Variants in ABLIM3 observed in about 807,000 individuals in gnomAD.
ABLIM3 encodes actin binding LIM protein family member 3.
In ABLIM3, 61 loss-of-function variants were observed where a neutral mutation model predicts 109.5. The ratio of observed to expected loss-of-function variants is 0.56; its 90% CI spans 0.45 to 0.69. ABLIM3 has a LOEUF of 0.69. Ranked by LOEUF, ABLIM3 falls within the 30% of genes least tolerant of loss-of-function variation. The pLI is 0.00. For missense variants in ABLIM3, 796 were observed against 889.5 expected (o/e 0.89, Z 1.34); for synonymous variants, 300 against 324.8 (o/e 0.92, Z 0.82).
intron 5 of ABLIM3, among the ~76,000 whole-genome samples, chr5:149,205,008 T>C (rs1758833861): frequency 6.6e-6 from 1 of 152,248 alleles, no homozygotes; most frequent in Admixed American, 6.5e-5. Context: ...AGAATTGTGT[T>C]GTTTGCCAAT....
chr5:149,194,096 G>A (rs976935899), intron 3 of ABLIM3, among the ~76,000 whole-genome samples: 10 of 152,034 alleles, frequency 6.6e-5, no homozygotes, highest in African/African-American at 2.4e-4. Context: ...CGTAAAAACT[G>A]AGAACTTTGG....
At chr5:149,257,817 TTGAC>T (rs1345100699) in intron 23 of ABLIM3, among the ~76,000 whole-genome samples, 4 of 152,202 alleles carry the variant, frequency 2.6e-5, no homozygotes, top group African/African-American at 9.7e-5. Context: ...ATTTTTTTCA[TTGAC>T]TGGCCTGATG....
chr5:149,154,555 T>A (rs1352417077), intron 2 of ABLIM3, among the ~76,000 whole-genome samples: 1 of 152,226 alleles, frequency 6.6e-6, no homozygotes, highest in African/African-American at 2.4e-5. Context: ...TGAGTGCAAA[T>A]GTTTTACATC....
intron 8 of ABLIM3, among the ~76,000 whole-genome samples, chr5:149,225,040 C>T (rs1761031585): frequency 6.6e-6 from 1 of 152,204 alleles, no homozygotes; most frequent in Admixed American, 6.5e-5. Flanking sequence ...GTGTTCACTC[C>T]TCTCTCTGGC....
chr5:149,183,609 C>T lies in ABLIM3; in HGVS notation c.151+20C>T, dbSNP rs113310955. ...GTCAAGGTAGGAGGCTCAGCTCCCCCACTCTCTTCTTAGATTCCTGACCAT... is the reference window on the plus strand; with the variant it reads ...GTCAAGGTAGGAGGCTCAGCTCCCCTACTCTCTTCTTAGATTCCTGACCAT... On this transcript the variant is annotated intron_variant, in intron 3 of 23. Transcript: ENST00000309868. The T allele has an allele frequency of 2.3e-5, 34 of 1,508,240 alleles. No homozygotes were observed. The African/African-American group carries it at 4.5e-4, about 20-fold the overall frequency. The allele number at this position is 1,508,240 out of a possible 1,614,324, so 93.4% of individuals were successfully genotyped here. A position where few individuals can be genotyped will look rare whatever the true frequency, so the allele number is the denominator to read the frequency against.
chr5:149,169,249 C>T (rs1038093466), intron 2 of ABLIM3, among the ~76,000 whole-genome samples: 4 of 152,108 alleles, frequency 2.6e-5, no homozygotes, highest in South Asian at 4.2e-4. Context: ...ATTTATTTGA[C>T]GTAACAGGAA....
chr5:149,152,669 A>G (rs1237332982), intron 2 of ABLIM3, among the ~76,000 whole-genome samples: 5 of 152,150 alleles, frequency 3.3e-5, no homozygotes, highest in Non-Finnish European at 7.4e-5. Context: ...AGCCCAAAAG[A>G]GGGCGTCTGA....
At chr5:149,204,394 C>T (rs1758770570) in intron 5 of ABLIM3, among the ~76,000 whole-genome samples, 3 of 152,014 alleles carry the variant, frequency 2.0e-5, no homozygotes, top group African/African-American at 7.3e-5. Flanking sequence ...GCCTGAGGCT[C>T]CACTGGTGGT....
At chr5:149,251,804 C>T (rs1341051621) in intron 21 of ABLIM3, among the ~76,000 whole-genome samples, 1 of 152,208 alleles carries the variant, frequency 6.6e-6, no homozygotes, top group Non-Finnish European at 1.5e-5. Context: ...GCCAGTGATG[C>T]TTTCACACCA....
At chr5:149,210,850 G>A (rs1332824691) in intron 7 of ABLIM3, 31 bp downstream of exon 7, 1 of 1,600,570 alleles carries the variant, frequency 6.2e-7, no homozygotes, top group Non-Finnish European at 8.6e-7. Context: ...GTGAAGATGT[G>A]GCAGGGTGAT....
intron 5 of ABLIM3, 165 bp downstream of exon 5, chr5:149,200,593 C>A: frequency 3.1e-6 from 2 of 646,436 alleles, no homozygotes; most frequent in South Asian, 1.9e-5. Context: ...CCCAGACTCA[C>A]AAGCTTCACA....
intron 3 of ABLIM3, among the ~76,000 whole-genome samples, chr5:149,189,496 T>C (rs1757280586): frequency 6.6e-6 from 1 of 152,214 alleles, no homozygotes; most frequent in African/African-American, 2.4e-5. Flanking sequence ...AAAGAATTCT[T>C]ACAATTGCAT....
rs78667654 is a variant in ABLIM3 at position 149,209,002 on chromosome 5, C to A, written c.576-1724C>A. Among the ~76,000 whole-genome samples the A allele has an allele frequency of 0.011, 1,608 of 152,234 alleles. 64 individuals are homozygous for A. In the East Asian group the frequency reaches 0.12, roughly 12 times the overall value. Reference sequence around the variant, plus strand: ...AGGGCAGTAGGGGAGTGTTGGACATCTCCATCCTGTATAGGAGCTCAAACA... The same window carrying A: ...AGGGCAGTAGGGGAGTGTTGGACATATCCATCCTGTATAGGAGCTCAAACA... On this transcript the variant is annotated intron_variant, in intron 6 of 23. Coordinates refer to ENST00000309868, the MANE Select transcript of ABLIM3 (RefSeq NM_014945.5).
intron 14 of ABLIM3, among the ~76,000 whole-genome samples, chr5:149,242,264 C>T (rs1752929046): frequency 2.0e-5 from 3 of 152,168 alleles, no homozygotes. Context: ...CCACTTGGAT[C>T]CATCCATTCC....
chr5:149,241,090 G>C (rs1447429502), intron 14 of ABLIM3, among the ~76,000 whole-genome samples: 2 of 152,230 alleles, frequency 1.3e-5, no homozygotes, highest in African/African-American at 4.8e-5. Flanking sequence ...AGCGGTGAAG[G>C]CTACACACTT....
intron 2 of ABLIM3, among the ~76,000 whole-genome samples, chr5:149,176,577 C>CT (rs1755949023): frequency 6.6e-6 from 1 of 152,114 alleles, no homozygotes; most frequent in Non-Finnish European, 1.5e-5. Context: ...TCTCAGGTCT[C>CT]TGAGTTTCAT....
chr5:149,251,182 G>A (rs1005196377), intron 20 of ABLIM3, among the ~76,000 whole-genome samples, 177 bp from the exon 21 acceptor site: 1 of 152,206 alleles, frequency 6.6e-6, no homozygotes, highest in Admixed American at 6.5e-5. Context: ...GCCACCATGT[G>A]CCAGGACAAA....
chr5:149,199,794 C>G (rs1758327838), intron 4 of ABLIM3, among the ~76,000 whole-genome samples: 1 of 152,158 alleles, frequency 6.6e-6, no homozygotes, highest in South Asian at 2.1e-4. Context: ...GTTGGGGAGG[C>G]AGAGCATGTG....
Position 149,232,136 on chromosome 5 carries a change from A to G in ABLIM3, c.817-1093A>G, listed in dbSNP as rs369618608. ...GGCTGGCCAACATGGCGAAACCCCA[A>G]TTCTACTAAAAATACAAAAATTAGC... is the stretch of plus-strand genomic sequence containing the variant. On this transcript the variant is annotated intron_variant, in intron 9 of 23. Transcript: ENST00000309868. Among the ~76,000 whole-genome samples, 5 of 152,136 alleles carry G rather than the reference A, an allele frequency of 3.3e-5. No homozygotes were observed. In the East Asian group the frequency reaches 7.8e-4, roughly 24 times the overall value.
Sources: allele counts gnomAD v4.1 joint callset (sites outside exome capture counted in the v4.1 genomes callset), GRCh38; gene constraint gnomAD v4.1.1; transcripts MANE v1.5; gene names NCBI Gene and HGNC (gene_info 2026-07-23, HGNC 2026-07-21).